RAB8A: variants seen among roughly 807,000 people sequenced by gnomAD.
RAB8A encodes the protein RAB8A, member RAS oncogene family, also known as ras-related protein Rab-8A.
RAB8A carries 5 observed loss-of-function variants against 29.2 expected under a neutral mutation model. That is an observed-to-expected ratio of 0.17 (90% CI 0.09 to 0.36). The LOEUF is 0.36. RAB8A is among the 10% of genes least tolerant of loss of function. The pLI, the probability that RAB8A is intolerant of heterozygous loss-of-function variation, is 1.00. For synonymous variants in RAB8A, 108 were observed against 99.9 expected (o/e 1.08, Z -0.49); for missense variants, 171 against 272.2 (o/e 0.63, Z 2.62).
At chr19:16,123,538 C>G (rs935070673) in intron 3 of RAB8A, 1 of 152,180 alleles carries the variant, frequency 6.6e-6, no homozygotes. Flanking sequence ...ACCTGGGAGC[C>G]GGAGGTTGCG....
chr19:16,118,368 C>T, intron 2 of RAB8A, 82 bp downstream of exon 2: 1 of 1,305,592 alleles, frequency 7.7e-7, no homozygotes, highest in Non-Finnish European at 1.1e-6. Context: ...CCTCCACCGT[C>T]CCTGTGACCT....
At chr19:16,128,218 C>G in intron 6 of RAB8A, 127 bp downstream of exon 6, 1 of 992,532 alleles carries the variant, frequency 1.0e-6, no homozygotes, top group East Asian at 2.6e-5. Context: ...GGCTGCCAGT[C>G]AGTCCTCTGA....
At chr19:16,112,323 T>G in intron 1 of RAB8A, 1 of 359,262 alleles carries the variant, frequency 2.8e-6, no homozygotes, top group East Asian at 5.6e-5. Flanking sequence ...CGATCTGTCC[T>G]AGCAGCAGCC....
rs545312959 is a variant in RAB8A, at chr19:16,122,112, C to T, written c.246+302C>T. On this transcript the variant is annotated intron_variant, in intron 3 of 7. Coordinates refer to ENST00000300935, the MANE Select transcript of RAB8A (RefSeq NM_005370.5). This position sits in a 1 kb window ranked among gnomAD's most constrained non-coding sequence, Gnocchi z 4.7. ...CAGGTGAGCTCAGTGCAGTTAAAGC[C>T]GGCATGCCCCGACTTTTAGGAGCTG... The T allele has an allele frequency of 1.4e-5, 4 of 291,728 alleles. No individual in the cohort carries two copies. Among genetic ancestry groups the T allele is most frequent in the African/African-American group, 2.1e-5 (1 of 46,972 alleles). The allele number at this position is 291,728 out of a possible 1,614,324, so 18.1% of individuals were successfully genotyped here.
intron 3 of RAB8A, chr19:16,123,653 AG>A (rs1286217804): frequency 1.3e-5 from 2 of 152,130 alleles, no homozygotes; most frequent in African/African-American, 4.8e-5. Context: ...TTGAAAATCC[AG>A]CTCCTTGGGT....
In RAB8A at chr19:16,129,647, A is replaced by T. The variant is rs201620304; in HGVS notation, c.531+43A>T. ...CGAGATCCCCGGGTGGATCTCTGGGATCCAGCCATCGTCGTTAGCAGCAGT... is the reference window on the plus strand; with the variant it reads ...CGAGATCCCCGGGTGGATCTCTGGGTTCCAGCCATCGTCGTTAGCAGCAGT... On this transcript the variant is annotated intron_variant, in intron 7 of 7. Transcript: ENST00000300935. 26 of 1,595,808 alleles carry T rather than the reference A, an allele frequency of 1.6e-5. No homozygotes were observed. In the East Asian group the frequency reaches 5.6e-4, roughly 34 times the overall value.
Position 16,125,006 on chromosome 19 carries a change from G to GTC in RAB8A, c.247-464_247-463insTC. Reference sequence around the variant, plus strand: ...GTGGATGTCGGGTCAGGACTTCCTGGGCTCAGTTGTGCCTGGTAGGTGGCT... The same window carrying GTC: ...GTGGATGTCGGGTCAGGACTTCCTGGTCGCTCAGTTGTGCCTGGTAGGTGGCT... On this transcript the variant is annotated intron_variant, in intron 3 of 7. Transcript: ENST00000300935. The surrounding 1 kb of genome is among the most constrained non-coding windows in gnomAD (Gnocchi z 5.0). 491 of 183,686 alleles carry GTC rather than the reference G, an allele frequency of 2.7e-3. No individual in the cohort carries two copies. Among genetic ancestry groups the GTC allele is most frequent in the South Asian group, 0.016 (146 of 8,972 alleles). 11.4% of individuals were successfully genotyped at this position (183,686 alleles called of 1,614,324 possible).
intron 3 of RAB8A, chr19:16,124,888 C>T (rs919982038): frequency 8.0e-5 from 13 of 163,272 alleles, no homozygotes; most frequent in Non-Finnish European, 1.8e-4. Flanking sequence ...CCCAGTTGCT[C>T]ACGTCTAGGT....
chr19:16,112,046 C>G, intron 1 of RAB8A, 21 bp downstream of exon 1: 2 of 1,612,366 alleles, frequency 1.2e-6, no homozygotes, highest in East Asian at 2.2e-5. Flanking sequence ...CGGGGAATGG[C>G]TGGGGGCGCC....
At chr19:16,119,227 CGGAGTTTCGCTCTTGTCGCCTAGGCT>C (rs377663554) in intron 2 of RAB8A, among the ~76,000 whole-genome samples, 255 of 151,964 alleles carry the variant, frequency 1.7e-3, no homozygotes, top group African/African-American at 5.7e-3. Context: ...TTTTTTGAGA[CGGAGTTTCGCTCTTGTCGCCTAGGCT>C]GGAGTGCAAT....
At chr19:16,112,170 C>T in intron 1 of RAB8A, 145 bp downstream of exon 1, 16 of 1,231,496 alleles carry the variant, frequency 1.3e-5, no homozygotes, top group Non-Finnish European at 1.7e-5. Context: ...GAGCAGTCGC[C>T]TGCACCGCCG....
At chr19:16,121,136 C>CA (rs1288456911) in intron 2 of RAB8A, among the ~76,000 whole-genome samples, 1 of 151,872 alleles carries the variant, frequency 6.6e-6, no homozygotes, top group Non-Finnish European at 1.5e-5. Flanking sequence ...AGGCTGGTCT[C>CA]AACCTCCTGA....
Position 16,112,409 on chromosome 19 carries a change from G to C in RAB8A, c.124+384G>C, listed in dbSNP as rs567179845. On this transcript the variant is annotated intron_variant, in intron 1 of 7. Transcript: ENST00000300935. ...CATGGGGAATTGGCCATGGGAAAAA[G>C]ACAGTGGCATCTCACCTTAATGAGC... 10 of 222,618 alleles carry C rather than the reference G, an allele frequency of 4.5e-5. No homozygotes were observed. In the South Asian group the frequency reaches 5.4e-4, roughly 12 times the overall value. The allele number at this position is 222,618 out of a possible 1,614,324, so 13.8% of individuals were successfully genotyped here.
intron 3 of RAB8A, chr19:16,124,340 T>G (rs1260181522): frequency 6.6e-6 from 1 of 152,280 alleles, no homozygotes; most frequent in Non-Finnish European, 1.5e-5. Flanking sequence ...CACATCTGTC[T>G]CACCATTACC....
chr19:16,124,722 C>T (rs1204857699), intron 3 of RAB8A: 2 of 129,198 alleles, frequency 1.5e-5, no homozygotes, highest in Admixed American at 1.6e-4. Context: ...CCCCCCCCCG[C>T]CCCCCGTGCT....
chr19:16,120,313 A>ATTTT (rs546591257), intron 2 of RAB8A, among the ~76,000 whole-genome samples: 19 of 130,458 alleles, frequency 1.5e-4, no homozygotes, highest in South Asian at 2.4e-4. Context: ...GTCACCTTTA[A>ATTTT]TTTTTTTTTT....
intron 1 of RAB8A, among the ~76,000 whole-genome samples, chr19:16,114,274 T>A (rs1423524): frequency 0.14 from 21,503 of 150,694 alleles, 1,788 homozygotes; most frequent in East Asian, 0.28. Context: ...TCTTAAAAAA[T>A]AATAATAAAA....
chr19:16,129,748 GT>G, intron 7 of RAB8A, 144 bp downstream of exon 7: 2 of 830,362 alleles, frequency 2.4e-6, no homozygotes, highest in Non-Finnish European at 4.0e-6. Flanking sequence ...AGGGGGAAGA[GT>G]TTGCAGGTGT....
At chr19:16,121,650 C>A in intron 2 of RAB8A, 100 bp from the exon 3 acceptor site, 3 of 1,049,346 alleles carry the variant, frequency 2.9e-6, no homozygotes, top group Non-Finnish European at 2.9e-6. Flanking sequence ...AGTGGCTGAA[C>A]GGTGAGAAAG....
Sources: gnomAD v4.1 joint callset for allele counts (sites outside exome capture counted in the v4.1 genomes callset) on GRCh38, gnomAD v4.1.1 for gene constraint, Gnocchi (gnomAD v3.1) non-coding constraint, MANE v1.5 for transcripts, NCBI Gene and HGNC (gene_info 2026-07-23, HGNC 2026-07-21) for gene names.